TMEM200A: variants seen among roughly 807,000 people sequenced by gnomAD.
The protein encoded by TMEM200A is transmembrane protein 200A, also known as two transmembrane C.
Under a neutral mutation model 24.3 loss-of-function variants are expected in TMEM200A, and 12 were observed. The ratio of observed to expected loss-of-function variants is 0.49; its 90% CI spans 0.32 to 0.80. The LOEUF is 0.80. Ranked by LOEUF, TMEM200A falls within the 30% of genes least tolerant of loss-of-function variation. TMEM200A has a pLI of 0.04. For missense variants in TMEM200A, 545 were observed against 614.4 expected, an observed-to-expected ratio of 0.89 and a Z score of 1.19; for synonymous variants, 224 against 224.4, an observed-to-expected ratio of 1.00 and a Z score of 0.02.
intron 2 of TMEM200A, among the ~76,000 whole-genome samples, chr6:130,426,397 C>T (rs1243459759): frequency 1.4e-5 from 2 of 141,354 alleles, no homozygotes; most frequent in Non-Finnish European, 3.0e-5. Flanking sequence ...AATTCAGTCT[C>T]GCTTCATCAT....
chr6:130,411,067 G>T (rs1399985343), intron 2 of TMEM200A, among the ~76,000 whole-genome samples: 3 of 152,060 alleles, frequency 2.0e-5, no homozygotes. Flanking sequence ...TACTCGGAAG[G>T]CTGGGGCAGG....
chr6:130,368,767 G>C (rs1046642659), intron 1 of TMEM200A, among the ~76,000 whole-genome samples: 1 of 152,206 alleles, frequency 6.6e-6, no homozygotes, highest in Non-Finnish European at 1.5e-5. Flanking sequence ...CAGGGGACCA[G>C]TGCAGACTGG....
chr6:130,426,943 G>GTGTT (rs1260334426), intron 2 of TMEM200A, among the ~76,000 whole-genome samples: 9 of 152,176 alleles, frequency 5.9e-5, no homozygotes, highest in African/African-American at 2.2e-4. Context: ...ATTGTTTTCA[G>GTGTT]TGTTTCAAGA....
intron 2 of TMEM200A, among the ~76,000 whole-genome samples, chr6:130,433,444 G>A (rs1347115728): frequency 6.6e-6 from 1 of 152,020 alleles, no homozygotes; most frequent in Admixed American, 6.6e-5. Flanking sequence ...AGCCAAAAAT[G>A]ATTTTTATTC....
chr6:130,430,766 T>G (rs768858745), intron 2 of TMEM200A, among the ~76,000 whole-genome samples: 2 of 152,206 alleles, frequency 1.3e-5, no homozygotes, highest in Non-Finnish European at 2.9e-5. Context: ...CTACCTTGCT[T>G]TAAGGATGAT....
rs551243409 is a variant in TMEM200A at position 130,441,031 on chromosome 6, G to C, written c.609G>C (p.Ser203=). 1 of 1,613,958 alleles carries C rather than the reference G, an allele frequency of 6.2e-7. No individual in the cohort carries two copies. The highest frequency in any genetic ancestry group is 1.3e-5 in the African/African-American group (1 of 75,042). Residue 203 remains serine, a synonymous_variant, in exon 3 of 3, where the codon TCG becomes TCC. Coordinates refer to ENST00000296978, the MANE Select transcript of TMEM200A (RefSeq NM_001258277.2). ...EVKQNGSSCA[S]RLAANTIASF... ...AACAGAATGGGAGCTCCTGTGCCTC[G>C]AGATTGGCAGCAAATACGATCGCCT...
At chr6:130,433,097 C>T (rs1395689385) in intron 2 of TMEM200A, among the ~76,000 whole-genome samples, 2 of 151,820 alleles carry the variant, frequency 1.3e-5, no homozygotes, top group Non-Finnish European at 2.9e-5. Context: ...ATTCCAGTGG[C>T]CACGTGAAAA....
chr6:130,392,745 C>T (rs1261525005), intron 2 of TMEM200A, among the ~76,000 whole-genome samples: 2 of 152,206 alleles, frequency 1.3e-5, no homozygotes, highest in Non-Finnish European at 2.9e-5. Flanking sequence ...CAAGCAACAC[C>T]TAACCACCCT....
chr6:130,438,588 T>G (rs1412360062), intron 2 of TMEM200A: 2 of 152,230 alleles, frequency 1.3e-5, no homozygotes, highest in Non-Finnish European at 2.9e-5. Context: ...TTGTTCATAT[T>G]TTTAACTAGG....
rs1038751188 is a variant in TMEM200A at position 130,391,979 on chromosome 6, G to A, written c.-17+6743G>A. 5.3e-5 allele frequency among the ~76,000 whole-genome samples: 8 copies of A among 152,000 alleles called. No homozygotes were observed. In the East Asian group the frequency reaches 1.2e-3, roughly 22 times the overall value. ...AGGATGGTCTCGATCTCCTGACCTCGTGATCCTCCTGCCTTGGCCTCCCAA... is the reference window on the plus strand; with the variant it reads ...AGGATGGTCTCGATCTCCTGACCTCATGATCCTCCTGCCTTGGCCTCCCAA... On this transcript the variant is annotated intron_variant, in intron 2 of 2. Transcript: ENST00000296978.
chr6:130,392,821 C>T (rs949373414), intron 2 of TMEM200A, among the ~76,000 whole-genome samples: 2 of 152,214 alleles, frequency 1.3e-5, no homozygotes, highest in Admixed American at 1.3e-4. Context: ...TGCACATGTA[C>T]TTTCTAGCAC....
intron 2 of TMEM200A, among the ~76,000 whole-genome samples, chr6:130,417,699 G>A (rs1178763361): frequency 6.6e-6 from 1 of 152,100 alleles, no homozygotes; most frequent in Admixed American, 6.6e-5. Context: ...CCAGGAAGTA[G>A]ACATACACAC....
intron 2 of TMEM200A, among the ~76,000 whole-genome samples, chr6:130,418,036 A>G (rs997298356): frequency 6.6e-6 from 1 of 152,182 alleles, no homozygotes; most frequent in African/African-American, 2.4e-5. Context: ...CCTAGTGTCC[A>G]TCTCTTCCTC....
intron 1 of TMEM200A, among the ~76,000 whole-genome samples, chr6:130,375,019 A>G (rs978331000): frequency 6.6e-6 from 1 of 152,170 alleles, no homozygotes; most frequent in Non-Finnish European, 1.5e-5. Flanking sequence ...TTGAGTGCCA[A>G]TTTCAATTTT....
At chr6:130,394,347 A>C (rs1355326964) in intron 2 of TMEM200A, among the ~76,000 whole-genome samples, 1 of 152,126 alleles carries the variant, frequency 6.6e-6, no homozygotes, top group Non-Finnish European at 1.5e-5. Flanking sequence ...TTTCGCACCC[A>C]CAGAAGGGAA....
At chr6:130,429,086 G>GT (rs1779814303) in intron 2 of TMEM200A, among the ~76,000 whole-genome samples, 1 of 152,138 alleles carries the variant, frequency 6.6e-6, no homozygotes, top group Admixed American at 6.5e-5. Flanking sequence ...CTACAGCAGT[G>GT]TAACAACACC....
In TMEM200A at chr6:130,441,239, A is replaced by G. The variant is rs1383189789; in HGVS notation, c.817A>G (p.Lys273Glu). The change falls in exon 3 of 3, where the codon AAG (lysine) becomes GAG (glutamate). Residue 273 changes from lysine to glutamate, a missense_variant. Transcript: ENST00000296978. ...AACTGATGATAAGACCAGCGGCTCT[A>G]AGAAATGTGAAACCAAGTCAATTGT... is the stretch of plus-strand genomic sequence containing the variant. ...KTTDDKTSGS[K>E]KCETKSIVSS... 6.2e-7 allele frequency: 1 copy of G among 1,614,122 alleles called. No individual in the cohort carries two copies. The highest frequency in any genetic ancestry group is 2.2e-5 in the East Asian group (1 of 44,860).
intron 1 of TMEM200A, among the ~76,000 whole-genome samples, chr6:130,371,427 G>C (rs1341457360): frequency 6.6e-6 from 1 of 152,148 alleles, no homozygotes; most frequent in Non-Finnish European, 1.5e-5. Context: ...CTGGCAGTCG[G>C]ACATCAAAGC....
At position 130,425,921 on chromosome 6, in the gene TMEM200A, T is replaced by C. The variant is rs114010258; in HGVS notation, c.-16-14486T>C. Among the ~76,000 whole-genome samples the C allele has an allele frequency of 8.5e-3, 1,294 of 152,260 alleles. 21 individuals carry two copies. The highest frequency in any genetic ancestry group is 0.026 in the African/African-American group (1,067 of 41,544). Reference sequence around the variant, plus strand: ...ATGTTTGTCTATGGATCTGATACCATTGAGGATCAAGAAATGTAAACAAAT... The same window carrying C: ...ATGTTTGTCTATGGATCTGATACCACTGAGGATCAAGAAATGTAAACAAAT... On this transcript the variant is annotated intron_variant, in intron 2 of 2. Transcript: ENST00000296978.
Sources: gnomAD v4.1 joint callset for allele counts (sites outside exome capture counted in the v4.1 genomes callset) on GRCh38, gnomAD v4.1.1 for gene constraint, MANE v1.5 for transcripts, NCBI Gene and HGNC (gene_info 2026-07-23, HGNC 2026-07-21) for gene names.